GRID2: variants seen among roughly 807,000 people sequenced by gnomAD.
GRID2 encodes the protein glutamate ionotropic receptor delta type subunit 2.
A neutral mutation model predicts 114.8 loss-of-function variants in GRID2; 33 were observed. That is an observed-to-expected ratio of 0.29 (90% CI 0.22 to 0.38). GRID2 has a LOEUF of 0.38. Among genes scored for constraint, GRID2 ranks in the 10% least tolerant of loss-of-function variants. The probability of loss-of-function intolerance (pLI) is 1.00; values close to 1 mark genes in which losing one functional copy is unlikely to be tolerated. For synonymous variants in GRID2, 505 were observed against 449.9 expected, an observed-to-expected ratio of 1.12 and a Z score of -1.55; for missense variants, 1,184 against 1,257.7, an observed-to-expected ratio of 0.94 and a Z score of 0.89.
chr4:93,464,251 A>C (rs189919849), intron 11 of GRID2, among the ~76,000 whole-genome samples: 1 of 152,136 alleles, frequency 6.6e-6, no homozygotes, highest in Non-Finnish European at 1.5e-5. Flanking sequence ...TGAAAATTCA[A>C]TTTCTGTTTG....
At chr4:93,730,319 G>A (rs1178548478) in intron 14 of GRID2, among the ~76,000 whole-genome samples, 1 of 152,214 alleles carries the variant, frequency 6.6e-6, no homozygotes, top group Non-Finnish European at 1.5e-5. Flanking sequence ...GTGCAGCCTA[G>A]ATAGTAGTTA....
intron 2 of GRID2, among the ~76,000 whole-genome samples, chr4:92,976,480 A>G (rs990266763): frequency 1.3e-5 from 2 of 152,082 alleles, no homozygotes; most frequent in Non-Finnish European, 2.9e-5. Flanking sequence ...TTAAGTGAAT[A>G]TAGTCAACTC....
rs955654170 is a variant in GRID2 at position 92,941,397 on chromosome 4, T to G, written c.245-143598T>G. ...TTCTCTGATGGTAGTCTGTATTTCT[T>G]TGGGATTGGTGGTGATATCCCCTTT... On this transcript the variant is annotated intron_variant, in intron 2 of 15. Coordinates refer to ENST00000282020, the MANE Select transcript of GRID2 (RefSeq NM_001510.4). Among the ~76,000 whole-genome samples the G allele has an allele frequency of 4.6e-5, 7 of 152,084 alleles. 1 individual carries two copies. The highest frequency in any genetic ancestry group is 7.4e-5 in the Non-Finnish European group (5 of 67,984).
At chr4:93,037,252 G>C (rs1208343485) in intron 2 of GRID2, among the ~76,000 whole-genome samples, 1 of 152,118 alleles carries the variant, frequency 6.6e-6, no homozygotes, top group Non-Finnish European at 1.5e-5. Flanking sequence ...TGTTGAGCTA[G>C]TTACTTCTTG....
intron 4 of GRID2, among the ~76,000 whole-genome samples, chr4:93,178,925 C>G (rs183886051): frequency 5.4e-4 from 82 of 152,192 alleles, no homozygotes; most frequent in Non-Finnish European, 9.1e-4. Context: ...CTACTTAGCT[C>G]ACTTAAAGTG....
At chr4:92,980,441 T>C (rs1754121731) in intron 2 of GRID2, among the ~76,000 whole-genome samples, 1 of 152,022 alleles carries the variant, frequency 6.6e-6, no homozygotes, top group Non-Finnish European at 1.5e-5. Flanking sequence ...ATTCAGTACT[T>C]AGGCAATGGA....
chr4:92,807,754 C>A (rs111497522), intron 2 of GRID2, among the ~76,000 whole-genome samples: 3 of 152,056 alleles, frequency 2.0e-5, no homozygotes, highest in African/African-American at 7.2e-5. Context: ...AACAACTTCA[C>A]GTTCTCTTTT....
chr4:92,708,612 A>G (rs549659078), intron 2 of GRID2, among the ~76,000 whole-genome samples: 1 of 152,260 alleles, frequency 6.6e-6, no homozygotes, highest in East Asian at 1.9e-4. Flanking sequence ...GATTATCACC[A>G]TATTGGTATT....
chr4:93,808,685 C>T (rs1197786696), exon 2 of GRID2: 1 of 152,184 alleles, frequency 6.6e-6, no homozygotes, highest in Non-Finnish European at 1.5e-5. Flanking sequence ...CCACCATTAA[C>T]ATACCACTGG....
At chr4:92,385,896 GTGTGTATATA>G (rs1456698521) in intron 1 of GRID2, among the ~76,000 whole-genome samples, 110 of 121,002 alleles carry the variant, frequency 9.1e-4, no homozygotes, top group East Asian at 1.6e-3. Flanking sequence ...GTGTGTGTGT[GTGTGTATATA>G]TATATATATA....
chr4:92,495,463 T>C (rs1662872805), intron 1 of GRID2, among the ~76,000 whole-genome samples: 1 of 151,954 alleles, frequency 6.6e-6, no homozygotes, highest in Admixed American at 6.6e-5. Flanking sequence ...CAGGCAGAGA[T>C]GCTGATAATT....
chr4:92,565,975 T>C (rs1727315664), intron 1 of GRID2, among the ~76,000 whole-genome samples: 1 of 151,990 alleles, frequency 6.6e-6, no homozygotes, highest in Non-Finnish European at 1.5e-5. Context: ...AGAAATCAAG[T>C]ATTACCTAGG....
chr4:92,614,943 GTT>G (rs201198597), intron 2 of GRID2, among the ~76,000 whole-genome samples: 7,057 of 140,002 alleles, frequency 0.05, 208 homozygotes, highest in East Asian at 0.1. Context: ...ACTTTGCTAT[GTT>G]TTTTTTTTTT....
chr4:92,510,858 T>A (rs1185852785), intron 1 of GRID2, among the ~76,000 whole-genome samples: 3 of 144,082 alleles, frequency 2.1e-5, no homozygotes, highest in Non-Finnish European at 4.5e-5. Flanking sequence ...ATGTGTCAAT[T>A]AAAAAAAAAA....
At chr4:92,600,838 G>C (rs1729185992) in intron 2 of GRID2, among the ~76,000 whole-genome samples, 1 of 152,232 alleles carries the variant, frequency 6.6e-6, no homozygotes, top group Non-Finnish European at 1.5e-5. Flanking sequence ...GGTGACCCCT[G>C]TTGGAGAGTC....
At chr4:93,544,785 A>T (rs947259594) in intron 13 of GRID2, among the ~76,000 whole-genome samples, 1 of 151,604 alleles carries the variant, frequency 6.6e-6, no homozygotes, top group African/African-American at 2.4e-5. Flanking sequence ...CTGGAAAAAA[A>T]AAAAAAGAAA....
intron 7 of GRID2, among the ~76,000 whole-genome samples, chr4:93,237,805 A>G (rs1746975215): frequency 6.6e-6 from 1 of 151,886 alleles, no homozygotes; most frequent in Non-Finnish European, 1.5e-5. Context: ...GTTAAGAGCA[A>G]AAACAGATTT....
chr4:92,509,992 T>C (rs553232902), intron 1 of GRID2, among the ~76,000 whole-genome samples: 3 of 152,034 alleles, frequency 2.0e-5, no homozygotes, highest in East Asian at 2.0e-4. Flanking sequence ...AGCAGGCTAA[T>C]GTCATATTCT....
At chr4:93,165,267 T>C (rs1738137802) in intron 4 of GRID2, among the ~76,000 whole-genome samples, 1 of 152,032 alleles carries the variant, frequency 6.6e-6, no homozygotes, top group Non-Finnish European at 1.5e-5. Context: ...AGCAATGTCA[T>C]AGTAGGTTGT....
Sources: gnomAD v4.1 joint callset for allele counts (sites outside exome capture counted in the v4.1 genomes callset) on GRCh38, gnomAD v4.1.1 for gene constraint, MANE v1.5 for transcripts, NCBI Gene and HGNC (gene_info 2026-07-23, HGNC 2026-07-21) for gene names.